The following ENOX1 variants were observed in gnomAD, a reference collection of about 807,000 sequenced individuals.
ENOX1 encodes the protein ecto-NOX disulfide-thiol exchanger 1, also known as candidate growth-related and time keeping constitutive hydroquinone (NADH) oxidase.
ENOX1 carries 42 observed loss-of-function variants against 82.5 expected under a neutral mutation model. That is an observed-to-expected ratio of 0.51 (90% CI 0.40 to 0.66). The LOEUF is 0.66. Among genes scored for constraint, ENOX1 ranks in the 30% least tolerant of loss-of-function variants. The pLI is 0.00. For missense variants in ENOX1, 608 were observed against 811.6 expected (o/e 0.75, Z 3.05); for synonymous variants, 271 against 282.2 (o/e 0.96, Z 0.40).
At chr13:43,554,922 T>A (rs192232455) in intron 2 of ENOX1, among the ~76,000 whole-genome samples, 9 of 152,292 alleles carry the variant, frequency 5.9e-5, no homozygotes, top group Admixed American at 5.2e-4. Flanking sequence ...TCTCTTAAAC[T>A]CTTAAGCAAT....
intron 3 of ENOX1, among the ~76,000 whole-genome samples, chr13:43,419,206 T>A (rs1019340443): frequency 3.3e-5 from 5 of 152,016 alleles, no homozygotes; most frequent in Non-Finnish European, 5.9e-5. Context: ...ATCAGCTAGG[T>A]ATTGAAAAAT....
intron 16 of ENOX1, among the ~76,000 whole-genome samples, chr13:43,220,236 A>G (rs1262860159): frequency 6.6e-6 from 1 of 151,950 alleles, no homozygotes; most frequent in Non-Finnish European, 1.5e-5. Context: ...AAGAATATGG[A>G]AGGAAAATGA....
At chr13:43,609,241 AT>A (rs1434128122) in intron 2 of ENOX1, among the ~76,000 whole-genome samples, 1 of 152,196 alleles carries the variant, frequency 6.6e-6, no homozygotes, top group Non-Finnish European at 1.5e-5. Context: ...GTATCTGTGA[AT>A]GAAGCTTTTT....
At chr13:43,476,062 G>C (rs188171276) in intron 3 of ENOX1, among the ~76,000 whole-genome samples, 1 of 152,172 alleles carries the variant, frequency 6.6e-6, no homozygotes, top group Non-Finnish European at 1.5e-5. Flanking sequence ...AAGTGTTAGA[G>C]TGTTTCAATA....
At chr13:43,644,943 T>C (rs2153771313) in intron 2 of ENOX1, among the ~76,000 whole-genome samples, 1 of 152,340 alleles carries the variant, frequency 6.6e-6, no homozygotes, top group South Asian at 2.1e-4. Context: ...TACGAGTTAC[T>C]TGGGTTCAAT....
chr13:43,682,437 C>T (rs888263169), intron 1 of ENOX1, among the ~76,000 whole-genome samples: 2 of 152,142 alleles, frequency 1.3e-5, no homozygotes, highest in Non-Finnish European at 2.9e-5. Flanking sequence ...TAGAACCATG[C>T]TTGGTAAGTA....
At chr13:43,768,232 A>ATGCTAGAAGG (rs1951397460) in intron 1 of ENOX1, among the ~76,000 whole-genome samples, 1 of 152,206 alleles carries the variant, frequency 6.6e-6, no homozygotes, top group Non-Finnish European at 1.5e-5. Flanking sequence ...GAACCCAAAA[A>ATGCTAGAAGG]ACCATAGCAG....
chr13:43,662,959 A>G (rs1225958776), intron 2 of ENOX1, among the ~76,000 whole-genome samples: 1 of 152,250 alleles, frequency 6.6e-6, no homozygotes, highest in Non-Finnish European at 1.5e-5. Flanking sequence ...TTCATAAAGG[A>G]TATGAATTTC....
At chr13:43,666,947 T>C (rs1253624400) in intron 2 of ENOX1, among the ~76,000 whole-genome samples, 1 of 152,122 alleles carries the variant, frequency 6.6e-6, no homozygotes, top group Non-Finnish European at 1.5e-5. Flanking sequence ...TTTAATCCTC[T>C]AAGAAGGTGA....
At position 43,582,653 on chromosome 13, in the gene ENOX1, A is replaced by T. The variant is rs192966704; in HGVS notation, c.-219+84826T>A. Among the ~76,000 whole-genome samples the T allele has an allele frequency of 1.4e-3, 218 of 152,154 alleles. 1 individual carries two copies. Among genetic ancestry groups the T allele is most frequent in the African/African-American group, 5.1e-3 (210 of 41,504 alleles). ...CAGTGGTGCCATCATGGCTCACTGCACACTCAACCTCCCAGGCTCATGGGT... is the reference window on the plus strand; with the variant it reads ...CAGTGGTGCCATCATGGCTCACTGCTCACTCAACCTCCCAGGCTCATGGGT... On this transcript the variant is annotated intron_variant, in intron 2 of 16. Coordinates refer to ENST00000690772, the MANE Select transcript of ENOX1 (RefSeq NM_001347969.2).
At chr13:43,273,434 A>G (rs1566392092) in intron 12 of ENOX1, among the ~76,000 whole-genome samples, 3 of 152,118 alleles carry the variant, frequency 2.0e-5, no homozygotes, top group Admixed American at 1.3e-4. Context: ...AATCTAAACC[A>G]CTAAACTCAT....
At chr13:43,448,601 G>A (rs2056786466) in intron 3 of ENOX1, among the ~76,000 whole-genome samples, 1 of 152,194 alleles carries the variant, frequency 6.6e-6, no homozygotes, top group South Asian at 2.1e-4. Flanking sequence ...GAGCAATCCA[G>A]TAGTACAGTT....
intron 9 of ENOX1, among the ~76,000 whole-genome samples, chr13:43,336,839 A>G (rs2048742956): frequency 6.6e-6 from 1 of 152,238 alleles, no homozygotes; most frequent in African/African-American, 2.4e-5. Flanking sequence ...AGACTTTCCC[A>G]AAGTCACAAG....
intron 5 of ENOX1, among the ~76,000 whole-genome samples, chr13:43,377,256 ACTCTCT>A (rs1187834579): frequency 6.6e-6 from 1 of 151,830 alleles, no homozygotes; most frequent in African/African-American, 2.4e-5. Flanking sequence ...GTCAGTCCCC[ACTCTCT>A]CTCTGTCTCA....
intron 3 of ENOX1, among the ~76,000 whole-genome samples, chr13:43,433,667 G>A (rs769392494): frequency 4.6e-5 from 7 of 152,106 alleles, no homozygotes; most frequent in African/African-American, 1.7e-4. Flanking sequence ...TTTCTATGAC[G>A]TGATGCACTC....
chr13:43,553,400 A>C (rs1006274345), intron 2 of ENOX1, among the ~76,000 whole-genome samples: 2 of 152,196 alleles, frequency 1.3e-5, no homozygotes, highest in Non-Finnish European at 2.9e-5. Context: ...TGGGCTTGAC[A>C]CTTGGTTGCT....
At chr13:43,268,669 C>A (rs1014760646) in intron 13 of ENOX1, among the ~76,000 whole-genome samples, 3 of 152,020 alleles carry the variant, frequency 2.0e-5, no homozygotes, top group Non-Finnish European at 4.4e-5. Context: ...GTTATTTATA[C>A]AATATAAAAC....
chr13:43,232,332 G>A (rs2042325953), intron 15 of ENOX1, among the ~76,000 whole-genome samples: 2 of 152,202 alleles, frequency 1.3e-5, no homozygotes, highest in South Asian at 4.2e-4. Flanking sequence ...ATAAATGTTT[G>A]TTGATTTATT....
chr13:43,573,432 T>C (rs1375956770), intron 2 of ENOX1, among the ~76,000 whole-genome samples: 1 of 152,212 alleles, frequency 6.6e-6, no homozygotes, highest in Non-Finnish European at 1.5e-5. Context: ...TTATGAATTC[T>C]CTGGAGCTTG....
Sources: allele counts gnomAD v4.1 joint callset (sites outside exome capture counted in the v4.1 genomes callset), GRCh38; gene constraint gnomAD v4.1.1; transcripts MANE v1.5; gene names NCBI Gene and HGNC (gene_info 2026-07-23, HGNC 2026-07-21).